PHKA2: variants seen among roughly 807,000 people sequenced by gnomAD.
The protein encoded by PHKA2 is phosphorylase b kinase regulatory subunit alpha, liver isoform.
PHKA2 carries 31 observed loss-of-function variants against 102.0 expected under a neutral mutation model. The observed-to-expected ratio is 0.30, with a 90% CI of 0.23 to 0.41. PHKA2 has a LOEUF of 0.41. PHKA2 is among the 10% of genes least tolerant of loss of function. The pLI, the probability that PHKA2 is intolerant of heterozygous loss-of-function variation, is 1.00. For synonymous variants in PHKA2, 455 were observed against 416.2 expected (o/e 1.09, Z -1.13); for missense variants, 858 against 1,023.1 (o/e 0.84, Z 2.20).
In PHKA2 at chrX:18,920,106, T is replaced by C. The variant is rs760621953; in HGVS notation, c.1889A>G (p.Asn630Ser). 2.0e-5 allele frequency: 24 copies of C among 1,176,094 alleles called. No homozygotes were observed. In the East Asian group the frequency reaches 5.0e-4, roughly 25 times the overall value. ...DPDCDEKLFD[N>S]ASEGTFSPDS... Reference sequence around the variant, plus strand: ...AGGACTGAAAGTCCCTTCGCTGGCATTGTCAAACAACTTCTCATCACAGTC... The same window carrying C: ...AGGACTGAAAGTCCCTTCGCTGGCACTGTCAAACAACTTCTCATCACAGTC... Residue 630 changes from asparagine (N) to serine (S), a missense_variant, in exon 18 of 33, where the codon AAT becomes AGT. Transcript: ENST00000379942.
intron 1 of PHKA2, among the ~76,000 whole-genome samples, chrX:18,978,204 A>C (rs2049117603): frequency 1.8e-5 from 2 of 111,103 alleles, no homozygotes; most frequent in African/African-American, 6.6e-5. Flanking sequence ...GGATTTCAAC[A>C]TTTATACTCG....
At chrX:18,939,904 T>A in intron 9 of PHKA2, 91 bp downstream of exon 9, 1 of 682,879 alleles carries the variant, frequency 1.5e-6, no homozygotes. Context: ...TATTCCAACA[T>A]AAAATTATAA....
Position 18,897,166 on chromosome X carries a change from C to G in PHKA2, c.3279G>C (p.Gln1093His). ...AGGAGCTCGCGTCTCGGCTTACCTT[C>G]TGGAGGATCTTCCACACCCTCTGGT... is the stretch of plus-strand genomic sequence containing the variant. ...GFYQRVWKIL[Q>H]KCHGLSIDGY... The change falls in exon 30 of 33, where the codon CAG becomes CAC. Residue 1093 changes from glutamine (Q) to histidine (H), a missense_variant. Physicochemically the swap from Gln to His is conservative, Grantham distance 24. This residue lies in a region of PHKA2 where 671 missense variants were observed against 745.2 expected (regional missense o/e 0.90). Transcript: ENST00000379942. 8.3e-7 allele frequency: 1 copy of G among 1,211,699 alleles called. No homozygotes were observed. Among genetic ancestry groups the G allele is most frequent in the South Asian group, 1.8e-5 (1 of 57,003 alleles).
chrX:18,960,363 T>C (rs1357227788), intron 1 of PHKA2, among the ~76,000 whole-genome samples: 1 of 111,977 alleles, frequency 8.9e-6, no homozygotes, highest in Non-Finnish European at 1.9e-5. Flanking sequence ...TATCTGAGAC[T>C]GGGTAATTTA....
At chrX:18,904,727 A>G in intron 26 of PHKA2, among the ~76,000 whole-genome samples, 2 of 112,367 alleles carry the variant, frequency 1.8e-5, no homozygotes, top group Admixed American at 9.4e-5. Flanking sequence ...CAGCCAGCAC[A>G]TGCTCAGGAA....
intron 26 of PHKA2, among the ~76,000 whole-genome samples, chrX:18,905,516 C>T (rs914087192): frequency 1.8e-5 from 2 of 110,785 alleles, no homozygotes; most frequent in African/African-American, 3.3e-5. Flanking sequence ...CTTACGACTA[C>T]AGGAGGCGGT....
rs1224588276 is a variant in PHKA2, at chrX:18,974,112, T to C, written c.78+9743A>G. ...TGCAATATATATGCTACAATCTATCTGCTCTCATGCACGCCAAGACTTTGC... is the reference window on the plus strand; with the variant it reads ...TGCAATATATATGCTACAATCTATCCGCTCTCATGCACGCCAAGACTTTGC... On this transcript the variant is annotated intron_variant, in intron 1 of 32. Coordinates refer to ENST00000379942, the MANE Select transcript of PHKA2 (RefSeq NM_000292.3). 4.5e-5 allele frequency among the ~76,000 whole-genome samples: 5 copies of C among 110,681 alleles called. No homozygotes were observed. In the East Asian group the frequency reaches 1.4e-3, roughly 31 times the overall value.
At chrX:18,945,006 A>C (rs1470259377) in intron 6 of PHKA2, 72 bp downstream of exon 6, 2 of 685,423 alleles carry the variant, frequency 2.9e-6, no homozygotes, top group Admixed American at 2.2e-5. Flanking sequence ...TTAAATACAA[A>C]CTCCTGATGA....
At chrX:18,947,751 C>T (rs904312354) in intron 5 of PHKA2, among the ~76,000 whole-genome samples, 3 of 112,274 alleles carry the variant, frequency 2.7e-5, no homozygotes, top group Non-Finnish European at 5.6e-5. Flanking sequence ...ATGGGACCAA[C>T]CAAAGGCCCA....
chrX:18,939,861 TG>T (rs1371007167), intron 9 of PHKA2, 133 bp downstream of exon 9: 1 of 570,786 alleles, frequency 1.8e-6, no homozygotes, highest in Non-Finnish European at 3.1e-6. Context: ...GCTCCAGGCT[TG>T]CTGACTCCAA....
At chrX:18,953,842 T>G (rs1332831065) in intron 2 of PHKA2, among the ~76,000 whole-genome samples, 1 of 110,360 alleles carries the variant, frequency 9.1e-6, no homozygotes, top group Non-Finnish European at 1.9e-5. Context: ...CAAAATTAGC[T>G]GCGCGTGGTG....
chrX:18,894,280 T>G lies in PHKA2; in HGVS notation c.3461A>C (p.Glu1154Ala), dbSNP rs1378992948. The G allele has an allele frequency of 8.3e-7, 1 of 1,211,172 alleles. No individual in the cohort carries two copies. Among genetic ancestry groups the G allele is most frequent in the African/African-American group, 1.7e-5 (1 of 57,764 alleles). Reference sequence around the variant, plus strand: ...GATGATGCCCCCGATGCTGGTCATCTCCGTGTCCGAGAGCAGCGTCAGCAC... The same window carrying G: ...GATGATGCCCCCGATGCTGGTCATCGCCGTGTCCGAGAGCAGCGTCAGCAC... The part of the protein sequence containing the change: ...IMVLTLLSDT[E>A]MTSIGGIIHV... Residue 1154 changes from glutamate to alanine, a missense_variant, in exon 32 of 33, where the codon GAG (glutamate) becomes GCG (alanine). Glu to Ala is a moderately radical substitution (Grantham distance 107). Transcript: ENST00000379942.
At chrX:18,979,413 C>T (rs2148048476) in intron 1 of PHKA2, among the ~76,000 whole-genome samples, 1 of 111,823 alleles carries the variant, frequency 8.9e-6, no homozygotes, top group South Asian at 3.7e-4. Flanking sequence ...ACAGTGAACA[C>T]TGCCTTGACC....
At chrX:18,928,228 G>A (rs1484982636) in intron 13 of PHKA2, among the ~76,000 whole-genome samples, 1 of 111,119 alleles carries the variant, frequency 9.0e-6, no homozygotes, top group East Asian at 2.8e-4. Flanking sequence ...TCTAAGCCTC[G>A]TGTGTAAGGT....
At chrX:18,900,087 C>G (rs1046491382) in intron 28 of PHKA2, among the ~76,000 whole-genome samples, 2 of 111,481 alleles carry the variant, frequency 1.8e-5, no homozygotes, top group African/African-American at 6.5e-5. Flanking sequence ...ACAGCATAAA[C>G]TAGGAGAGAT....
At chrX:18,965,091 G>C (rs1212690637) in intron 1 of PHKA2, among the ~76,000 whole-genome samples, 4 of 112,089 alleles carry the variant, frequency 3.6e-5, no homozygotes, top group African/African-American at 1.3e-4. Flanking sequence ...CATCCACTTG[G>C]TGCAGCTTCG....
In PHKA2 at chrX:18,938,743, T is replaced by C. The variant is rs988825316; in HGVS notation, c.925A>G (p.Asn309Asp). The part of the protein sequence containing the change: ...DGYKTPREDP[N>D]RLHYDPAELK... The stretch of plus-strand genomic sequence containing the variant: ...TCAGCAGGGTCATAATGCAGTCGAT[T>C]AGGGTCCTAGAATCAAATAAGTCAA... Residue 309 changes from asparagine (N) to aspartate (D), a missense_variant, in exon 10 of 33, where the codon AAT (asparagine) becomes GAT (aspartate). Coordinates refer to ENST00000379942, the MANE Select transcript of PHKA2 (RefSeq NM_000292.3). 9 of 1,203,634 alleles carry C rather than the reference T, an allele frequency of 7.5e-6. No homozygotes were observed. In the African/African-American group the frequency reaches 1.0e-4, roughly 14 times the overall value.
chrX:18,965,818 AAC>A (rs2048932841), intron 1 of PHKA2, among the ~76,000 whole-genome samples: 1 of 111,879 alleles, frequency 8.9e-6, no homozygotes, highest in Admixed American at 9.5e-5. Flanking sequence ...TTCACTAGTT[AAC>A]AGTGATATTC....
intron 26 of PHKA2, among the ~76,000 whole-genome samples, chrX:18,905,121 C>T (rs967711768): frequency 5.4e-5 from 6 of 111,861 alleles, no homozygotes; most frequent in African/African-American, 1.9e-4. Context: ...GCAGGATGCT[C>T]AGGTGGTGTG....
Sources: gnomAD v4.1 joint callset for allele counts (sites outside exome capture counted in the v4.1 genomes callset) on GRCh38, gnomAD v4.1.1 for gene constraint, gnomAD v4.1.1 regional missense constraint, MANE v1.5 for transcripts, NCBI Gene and HGNC (gene_info 2026-07-23, HGNC 2026-07-21) for gene names.